The following SAMD4B variants were observed in gnomAD, a reference collection of about 807,000 sequenced individuals.
SAMD4B encodes protein Smaug homolog 2.
SAMD4B carries 5 observed loss-of-function variants against 74.5 expected under a neutral mutation model. The observed-to-expected ratio is 0.07, with a 90% CI of 0.04 to 0.14. The LOEUF is 0.14. SAMD4B is among the 10% of genes least tolerant of loss of function. The pLI, the probability that SAMD4B is intolerant of heterozygous loss-of-function variation, is 1.00. For synonymous variants in SAMD4B, 373 were observed against 374.9 expected (o/e 1.00, Z 0.06); for missense variants, 608 against 921.8 (o/e 0.66, Z 4.41).
At chr19:39,367,806 G>GCCAAGGGAACACC (rs2077055650) in intron 3 of SAMD4B, among the ~76,000 whole-genome samples, 1 of 150,774 alleles carries the variant, frequency 6.6e-6, no homozygotes, top group South Asian at 2.1e-4. Flanking sequence ...ACCACGCCCA[G>GCCAAGGGAACACC]TGCTAATAAG....
chr19:39,370,586 C>T (rs1374765504), intron 4 of SAMD4B, among the ~76,000 whole-genome samples: 1 of 152,126 alleles, frequency 6.6e-6, no homozygotes, highest in Non-Finnish European at 1.5e-5. Flanking sequence ...TATACCTGGC[C>T]TCTAAGGGCA....
chr19:39,350,626 T>G (rs985602715), intron 1 of SAMD4B: 5 of 152,264 alleles, frequency 3.3e-5, no homozygotes, highest in African/African-American at 1.2e-4. Flanking sequence ...TAGCTGGGAT[T>G]ACAGGCGCCT....
downstream of SAMD4B, chr19:39,389,157 A>G: frequency 6.2e-7 from 1 of 1,614,050 alleles, no homozygotes; most frequent in Non-Finnish European, 8.5e-7. The surrounding 1 kb of genome is among the most constrained non-coding windows in gnomAD (Gnocchi z 5.3). Context: ...GTCTTTGTAT[A>G]TTTCTTCCTC....
downstream of SAMD4B, chr19:39,390,025 C>T (rs1046865938): frequency 6.7e-7 from 1 of 1,483,584 alleles, no homozygotes; most frequent in Non-Finnish European, 9.4e-7. Context: ...TCCCTGCCTT[C>T]AAGGAACTCA....
At position 39,369,981 on chromosome 19, in the gene SAMD4B, T is replaced by C. The variant is rs761843745; in HGVS notation, c.523T>C (p.Trp175Arg). 3 of 1,613,118 alleles carry C rather than the reference T, an allele frequency of 1.9e-6. No homozygotes were observed. Among genetic ancestry groups the C allele is most frequent in the Non-Finnish European group, 2.5e-6 (3 of 1,179,702 alleles). Residue 175 changes from tryptophan (W) to arginine (R), a missense_variant, in exon 4 of 14, where the codon TGG (tryptophan) becomes CGG (arginine). By Grantham distance (101) the Trp-to-Arg change is moderately radical (BLOSUM62 -3). Coordinates refer to ENST00000610417, the MANE Select transcript of SAMD4B (RefSeq NM_001384574.2). ...CCATTCACGTCAAGGCTCAGATGAG[T>C]GGGGGGGCCCTGCAGAGCTAGGCCC... ...SYHSRQGSDE[W>R]GGPAELGPGE... is the part of the protein sequence containing the mutation.
At chr19:39,355,810 C>A (rs1485912852) in intron 2 of SAMD4B, among the ~76,000 whole-genome samples, 1 of 152,168 alleles carries the variant, frequency 6.6e-6, no homozygotes, top group Non-Finnish European at 1.5e-5. Context: ...TGTCCCCTTC[C>A]CCTCAGGTTG....
chr19:39,389,642 T>A (rs376141484), downstream of SAMD4B: 8 of 1,614,062 alleles, frequency 5.0e-6, no homozygotes, highest in Non-Finnish European at 6.8e-6. This position sits in a 1 kb window ranked among gnomAD's most constrained non-coding sequence, Gnocchi z 5.3. Context: ...CCACACACCA[T>A]TGGGGTCGAT....
intron 5 of SAMD4B, among the ~76,000 whole-genome samples, chr19:39,376,208 A>C (rs1190001041): frequency 6.6e-6 from 1 of 152,132 alleles, no homozygotes; most frequent in East Asian, 1.9e-4. Context: ...ATCCTGGTAT[A>C]CATCCAGCCT....
chr19:39,367,410 AT>A (rs1483151363), intron 3 of SAMD4B, among the ~76,000 whole-genome samples: 11 of 147,152 alleles, frequency 7.5e-5, no homozygotes, highest in Admixed American at 7.5e-4. Flanking sequence ...AAGTATTGGT[AT>A]TTTTTGTCCC....
At chr19:39,379,428 C>T in intron 9 of SAMD4B, among the ~76,000 whole-genome samples, 1 of 152,210 alleles carries the variant, frequency 6.6e-6, no homozygotes, top group East Asian at 1.9e-4. Flanking sequence ...TCTTTTGCTT[C>T]CTGTTCTTCT....
chr19:39,350,085 G>C lies in SAMD4B; in HGVS notation c.-266-3921G>C, dbSNP rs1473161991. 4 of 152,218 alleles carry C rather than the reference G, an allele frequency of 2.6e-5. No homozygotes were observed. In the East Asian group the frequency reaches 7.7e-4, roughly 29 times the overall value. The allele number at this position is 152,218 out of a possible 1,614,324, so 9.4% of individuals were successfully genotyped here. On this transcript the variant is annotated intron_variant, in intron 1 of 13. Transcript: ENST00000610417. ...TTATATATTTTTGAAATAGAGTTTT[G>C]GGGATCAAATGTGCTTATCTGTGGA...
chr19:39,354,292 C>T (rs900569516), intron 2 of SAMD4B, among the ~76,000 whole-genome samples: 4 of 152,198 alleles, frequency 2.6e-5, no homozygotes, highest in African/African-American at 4.8e-5. Flanking sequence ...TTCTTTTCTG[C>T]GTGCTACCTC....
chr19:39,376,587 G>C (rs750506941), intron 6 of SAMD4B, 41 bp downstream of exon 6: 1 of 1,589,396 alleles, frequency 6.3e-7, no homozygotes, highest in Middle Eastern at 1.7e-4. Flanking sequence ...TGGGGGCAGC[G>C]CTAGTTTGGC....
intron 3 of SAMD4B, among the ~76,000 whole-genome samples, chr19:39,362,324 C>T (rs956139444): frequency 1.3e-5 from 2 of 152,078 alleles, no homozygotes; most frequent in African/African-American, 2.4e-5. Flanking sequence ...TGGGTAGGCC[C>T]GGGAAGCTGG....
chr19:39,380,753 A>G lies in SAMD4B; in HGVS notation c.1816A>G (p.Thr606Ala). ...GGGTGTCTCCCCTCGACATGCCCTC[A>G]CCAGCCCCAGCCTTGGAGGCCAGGG... ...IGGVSPRHAL[T>A]SPSLGGQGRQ... The change falls in exon 11 of 14, where the codon ACC becomes GCC. Residue 606 changes from threonine (T) to alanine (A), a missense_variant. Thr to Ala is a moderately conservative substitution (Grantham distance 58, BLOSUM62 0). Around this residue, in one of 9 missense-constraint regions of SAMD4B, gnomAD observed 167 missense variants for 193.0 expected, o/e 0.87. Coordinates refer to ENST00000610417, the MANE Select transcript of SAMD4B (RefSeq NM_001384574.2). 6.3e-7 allele frequency: 1 copy of G among 1,580,270 alleles called. No individual in the cohort carries two copies. Among genetic ancestry groups the G allele is most frequent in the Non-Finnish European group, 8.6e-7 (1 of 1,162,026 alleles).
chr19:39,345,368 C>A (rs2075634049), intron 1 of SAMD4B, among the ~76,000 whole-genome samples: 1 of 152,234 alleles, frequency 6.6e-6, no homozygotes, highest in South Asian at 2.1e-4. Flanking sequence ...ATTTCCGATT[C>A]TACTTTTGAA....
intron 3 of SAMD4B, among the ~76,000 whole-genome samples, chr19:39,364,068 A>T (rs2076809980): frequency 6.6e-6 from 1 of 152,132 alleles, no homozygotes; most frequent in Admixed American, 6.5e-5. Context: ...CAGACACATG[A>T]ACACACATTT....
At chr19:39,366,940 G>A (rs539842888) in intron 3 of SAMD4B, among the ~76,000 whole-genome samples, 4 of 152,280 alleles carry the variant, frequency 2.6e-5, no homozygotes, top group African/African-American at 9.6e-5. Flanking sequence ...TAGAATCTCT[G>A]TGTGTATCTG....
intron 3 of SAMD4B, among the ~76,000 whole-genome samples, chr19:39,364,006 C>T (rs1284067995): frequency 6.6e-6 from 1 of 152,234 alleles, no homozygotes; most frequent in Non-Finnish European, 1.5e-5. Context: ...AGTTCCAGTG[C>T]TCACTGATGC....
Sources: gnomAD v4.1 joint callset for allele counts (sites outside exome capture counted in the v4.1 genomes callset) on GRCh38, gnomAD v4.1.1 for gene constraint, gnomAD v4.1.1 regional missense constraint, Gnocchi (gnomAD v3.1) non-coding constraint, MANE v1.5 for transcripts, NCBI Gene and HGNC (gene_info 2026-07-23, HGNC 2026-07-21) for gene names.